The following CPLANE1 variants were observed in gnomAD, a reference collection of about 807,000 sequenced individuals.
The protein encoded by CPLANE1 is ciliogenesis and planar polarity effector 1.
Under a neutral mutation model 362.5 loss-of-function variants are expected in CPLANE1, and 263 were observed. The ratio of observed to expected loss-of-function variants is 0.73; its 90% CI spans 0.66 to 0.80. The LOEUF (loss-of-function observed/expected upper bound fraction) is 0.80, where lower values mean the gene tolerates loss of function less well. CPLANE1 is among the 30% of genes least tolerant of loss of function. CPLANE1 has a pLI of 0.00. For missense variants in CPLANE1, 3,461 were observed against 3,793.4 expected (o/e 0.91, Z 2.30); for synonymous variants, 1,212 against 1,302.6 (o/e 0.93, Z 1.50).
chr5:37,221,269 A>G, intron 15 of CPLANE1, 55 bp downstream of exon 15: 1 of 1,270,894 alleles, frequency 7.9e-7, no homozygotes, highest in Non-Finnish European at 1.1e-6. Flanking sequence ...GGCTGGCAAC[A>G]TAGGGAGACC....
rs763845561 is a variant in CPLANE1 at position 37,227,215 on chromosome 5, A to C, written c.1521+28T>G. On this transcript the variant is annotated intron_variant, in intron 11 of 52. Transcript: ENST00000651892. ...CTTGGAATAAAGTCATAATTGTTCC[A>C]AGTAAATAAAATTCTGCTGCTAAGT... The C allele has an allele frequency of 9.1e-6, 14 of 1,544,662 alleles. No homozygotes were observed. The South Asian group carries it at 1.7e-4, about 19-fold the overall frequency.
intron 19 of CPLANE1, among the ~76,000 whole-genome samples, chr5:37,200,635 T>G (rs1434581722): frequency 1.3e-5 from 2 of 152,146 alleles, no homozygotes; most frequent in Admixed American, 6.6e-5. Context: ...ATCAAATACT[T>G]AAAAGTCTAA....
chr5:37,084,860 A>G, the CPLANE1 span, among the ~76,000 whole-genome samples: 140 of 152,238 alleles, frequency 9.2e-4, 1 homozygote, highest in Non-Finnish European at 4.6e-4. Context: ...GCTGCCTTCA[A>G]GAGACTCACC....
rs939586906 is a variant in CPLANE1 at position 37,218,349 on chromosome 5, G to T, written c.2746+2975C>A. On this transcript the variant is annotated intron_variant, in intron 15 of 52. Transcript: ENST00000651892. ...CACTGAGGTTCTAATGAACTTCCCT[G>T]GTAGACTATATCTCACATGTTGTCA... 9.9e-5 allele frequency among the ~76,000 whole-genome samples: 15 copies of T among 152,148 alleles called. 1 individual carries two copies. Among genetic ancestry groups the T allele is most frequent in the Admixed American group, 7.9e-4 (12 of 15,278 alleles).
chr5:37,226,417 C>T lies in CPLANE1; in HGVS notation c.2178G>A (p.Val726=). The T allele has an allele frequency of 1.3e-6, 2 of 1,550,398 alleles. No homozygotes were observed. Among genetic ancestry groups the T allele is most frequent in the South Asian group, 1.2e-5 (1 of 83,686 alleles). ...GSKITAQDSL[V]VPIFQMFQDS... The stretch of plus-strand genomic sequence containing the variant: ...CTTGAAACATCTGAAAAATAGGTAC[C>T]ACCAATGAGTCTTGAGCTGTTATTT... The change falls in exon 12 of 53, where the codon GTG becomes GTA. Residue 726 remains valine (V), a synonymous_variant. Coordinates refer to ENST00000651892, the MANE Select transcript of CPLANE1 (RefSeq NM_001384732.1).
chr5:37,097,379 T>C, the CPLANE1 span, among the ~76,000 whole-genome samples: 1 of 152,180 alleles, frequency 6.6e-6, no homozygotes, highest in South Asian at 2.1e-4. Context: ...ACATGGGACA[T>C]CATAAAGCAA....
chr5:37,100,024 G>A, the CPLANE1 span, among the ~76,000 whole-genome samples: 3 of 148,678 alleles, frequency 2.0e-5, no homozygotes, highest in Non-Finnish European at 2.9e-5. Context: ...TTTGTCAGAC[G>A]GATAGAGTAC....
At chr5:37,211,344 G>C (rs901946762) in intron 16 of CPLANE1, 2 of 1,511,102 alleles carry the variant, frequency 1.3e-6, no homozygotes, top group Admixed American at 4.5e-5. Context: ...TAAAAACTCT[G>C]CCAAAGGCCC....
rs200550378 is a variant in CPLANE1 at position 37,226,784 on chromosome 5, T to A, written c.1811A>T (p.His604Leu). The change falls in exon 12 of 53, where the codon CAT becomes CTT. Residue 604 changes from histidine (H) to leucine (L), a missense_variant. His to Leu is a moderately conservative substitution (Grantham distance 99, BLOSUM62 -3). Transcript: ENST00000651892. ...TATAAATTGAAGAATGTAAAAAAAA[T>A]GAGTGATACAAACTACTATGTAATT... The part of the protein sequence containing the change: ...MLNYIVVCIT[H>L]FFYILQFIKC... 49 of 1,541,940 alleles carry A rather than the reference T, an allele frequency of 3.2e-5. 1 individual carries two copies. The highest frequency in any genetic ancestry group is 4.2e-5 in the Non-Finnish European group (48 of 1,143,584).
the CPLANE1 span, among the ~76,000 whole-genome samples, chr5:37,100,272 A>C: frequency 6.6e-6 from 1 of 151,984 alleles, no homozygotes; most frequent in African/African-American, 2.4e-5. Context: ...ATCCATCTTG[A>C]GTTAATTTTT....
At chr5:37,244,291 T>C (rs1738743861) in intron 5 of CPLANE1, 84 bp downstream of exon 5, 1 of 759,634 alleles carries the variant, frequency 1.3e-6, no homozygotes, top group African/African-American at 1.8e-5. Context: ...ACTATGAAAA[T>C]TTATGGTGAC....
chr5:37,137,585 C>T (rs756727592), intron 46 of CPLANE1, among the ~76,000 whole-genome samples: 6 of 152,166 alleles, frequency 3.9e-5, no homozygotes, highest in Non-Finnish European at 8.8e-5. Flanking sequence ...AATTTATAAA[C>T]GAAAGAGGTG....
At chr5:37,079,061 T>TCGA in the CPLANE1 span, among the ~76,000 whole-genome samples, 1 of 152,332 alleles carries the variant, frequency 6.6e-6, no homozygotes, top group African/African-American at 2.4e-5. Flanking sequence ...TTCAATTAGA[T>TCGA]CCCAGTCGTC....
Position 37,167,216 on chromosome 5 carries a change from AC to A in CPLANE1, c.7234-4del, listed in dbSNP as rs779840907. ...GGGATAAGTTGTGTTTTTTTGCACT[AC>A]AAGAAAGAAACAAAGCATAAGAATG... On this transcript the variant is annotated splice_polypyrimidine_tract_variant and splice_region_variant and intron_variant, in intron 34 of 52. Transcript: ENST00000651892. The A allele has an allele frequency of 6.2e-7, 1 of 1,601,228 alleles. No individual in the cohort carries two copies.
In CPLANE1 at chr5:37,183,186, C is replaced by T. The variant is rs772647028; in HGVS notation, c.4995G>A (p.Ser1665=). The T allele has an allele frequency of 8.7e-6, 14 of 1,610,912 alleles. No individual in the cohort carries two copies. The highest frequency in any genetic ancestry group is 1.6e-4 in the Middle Eastern group (1 of 6,064). Residue 1665 remains serine, a synonymous_variant, in exon 26 of 53, where the codon TCG becomes TCA. Transcript: ENST00000651892. Reference sequence around the variant, plus strand: ...TTCCTTCATTCTTATTGACTTCATTCGAAGGATATTGTAAAAAAGGTTTGA... The same window carrying T: ...TTCCTTCATTCTTATTGACTTCATTTGAAGGATATTGTAAAAAAGGTTTGA... ...QGIKPFLQYP[S]NEVNKNEGMS...
chr5:37,223,041 C>T (rs1016351664), intron 14 of CPLANE1, among the ~76,000 whole-genome samples: 1 of 152,214 alleles, frequency 6.6e-6, no homozygotes, highest in African/African-American at 2.4e-5. Flanking sequence ...CCTTACCACT[C>T]CATTAAAGAC....
chr5:37,127,765 C>T (rs1018697851), intron 46 of CPLANE1, among the ~76,000 whole-genome samples: 22 of 151,998 alleles, frequency 1.4e-4, no homozygotes, highest in African/African-American at 4.8e-4. Context: ...ATCCGCCCAC[C>T]TTGGCCTCCC....
intron 51 of CPLANE1, 85 bp downstream of exon 51, chr5:37,114,875 G>A: frequency 1.3e-6 from 1 of 798,586 alleles, no homozygotes; most frequent in South Asian, 1.7e-5. Context: ...CTCCAGACTG[G>A]GCAACAGAGT....
chr5:37,181,025 G>C lies in CPLANE1; in HGVS notation c.5422-20C>G, dbSNP rs1237604500. ...TACCATCTAAAGCAAACCATTTAAA[G>C]TATTTAGTATTTATTGAACCCTTTA... On this transcript the variant is annotated intron_variant, in intron 26 of 52. Coordinates refer to ENST00000651892, the MANE Select transcript of CPLANE1 (RefSeq NM_001384732.1). The C allele has an allele frequency of 1.3e-6, 2 of 1,596,406 alleles. No individual in the cohort carries two copies. The highest frequency in any genetic ancestry group is 1.7e-6 in the Non-Finnish European group (2 of 1,168,996).
Sources: gnomAD v4.1 joint callset for allele counts (sites outside exome capture counted in the v4.1 genomes callset) on GRCh38, gnomAD v4.1.1 for gene constraint, MANE v1.5 for transcripts, NCBI Gene and HGNC (gene_info 2026-07-23, HGNC 2026-07-21) for gene names.